Variants in CACNA1D observed in about 807,000 individuals in gnomAD.
CACNA1D encodes the protein calcium voltage-gated channel subunit alpha1 D.
Under a neutral mutation model 257.1 loss-of-function variants are expected in CACNA1D, and 55 were observed. The observed-to-expected ratio is 0.21, with a 90% CI of 0.17 to 0.27. The LOEUF (loss-of-function observed/expected upper bound fraction) is 0.27. Ranked by LOEUF, CACNA1D falls within the 10% of genes least tolerant of loss-of-function variation. The probability of loss-of-function intolerance (pLI) is 1.00; values close to 1 mark genes in which losing one functional copy is unlikely to be tolerated. For missense variants in CACNA1D, 1,876 were observed against 2,784.0 expected, an observed-to-expected ratio of 0.67 and a Z score of 7.34; for synonymous variants, 980 against 1,014.9, an observed-to-expected ratio of 0.97 and a Z score of 0.65.
chr3:53,605,990 A>G (rs1348363957), intron 3 of CACNA1D, among the ~76,000 whole-genome samples: 1 of 152,080 alleles, frequency 6.6e-6, no homozygotes, highest in Non-Finnish European at 1.5e-5. Context: ...GGGCCTCTGG[A>G]CCTGTTTGTT....
chr3:53,504,934 A>C (rs2090762361), intron 3 of CACNA1D, among the ~76,000 whole-genome samples: 1 of 151,910 alleles, frequency 6.6e-6, no homozygotes, highest in African/African-American at 2.4e-5. Context: ...AAATGTCCAG[A>C]ATGGAGATCT....
At chr3:53,809,610 G>T in intron 46 of CACNA1D, 1 of 334,112 alleles carries the variant, frequency 3.0e-6, no homozygotes, top group South Asian at 3.0e-5. Flanking sequence ...GGAAGTGGTA[G>T]TTTCCCCTGA....
At chr3:53,622,715 C>G (rs1205724805) in intron 3 of CACNA1D, among the ~76,000 whole-genome samples, 2 of 151,980 alleles carry the variant, frequency 1.3e-5, no homozygotes, top group Non-Finnish European at 2.9e-5. Context: ...ACAAGTTTAC[C>G]TGTAACAAAT....
intron 9 of CACNA1D, among the ~76,000 whole-genome samples, chr3:53,711,203 G>A (rs1229985748): frequency 6.6e-6 from 1 of 152,142 alleles, no homozygotes; most frequent in African/African-American, 2.4e-5. Flanking sequence ...GCGATATTGC[G>A]CCATTACACT....
At chr3:53,689,496 G>T (rs1314089368) in intron 8 of CACNA1D, among the ~76,000 whole-genome samples, 3 of 152,060 alleles carry the variant, frequency 2.0e-5, no homozygotes, top group Non-Finnish European at 4.4e-5. Flanking sequence ...GGGCTGCAGG[G>T]ATGGGGTCTG....
In CACNA1D at chr3:53,726,904, C is replaced by T. The variant is rs1195580862; in HGVS notation, c.2126C>T (p.Ala709Val). The change falls in exon 15 of 48, where the codon GCT (alanine) becomes GTT (valine). Residue 709 changes from alanine (A) to valine (V), a missense_variant. This residue lies in a region of CACNA1D where 257 missense variants were observed against 399.7 expected (regional missense o/e 0.64). Transcript: ENST00000350061. ...ATCCTGACAGGCGAAGACTGGAATG[C>T]TGTGATGTACGATGGCATCATGGCT... ...FQILTGEDWN[A>V]VMYDGIMAYG... 1.7e-5 allele frequency: 28 copies of T among 1,614,184 alleles called. No individual in the cohort carries two copies. The highest frequency in any genetic ancestry group is 2.4e-5 in the Non-Finnish European group (28 of 1,180,032).
At chr3:53,508,740 G>A (rs577094812) in intron 3 of CACNA1D, among the ~76,000 whole-genome samples, 1 of 152,160 alleles carries the variant, frequency 6.6e-6, no homozygotes, top group Admixed American at 6.5e-5. Flanking sequence ...CCCAATACAG[G>A]GTGACAGCAT....
At chr3:53,795,887 G>A (rs571257227) in intron 40 of CACNA1D, among the ~76,000 whole-genome samples, 21 of 152,264 alleles carry the variant, frequency 1.4e-4, no homozygotes, top group African/African-American at 5.1e-4. Context: ...AGCTTGTGGG[G>A]GTCATGTTAC....
In CACNA1D at chr3:53,673,742, A is replaced by T; in HGVS notation, c.1220+616A>T. ...ATGATGCGATAGGATGGGAATGGCCATGGGTGTATTTTGTTAGTCTGATCA... is the reference window on the plus strand; with the variant it reads ...ATGATGCGATAGGATGGGAATGGCCTTGGGTGTATTTTGTTAGTCTGATCA... On this transcript the variant is annotated intron_variant, in intron 8 of 47. Transcript: ENST00000350061. The surrounding 1 kb of genome is among the most constrained non-coding windows in gnomAD (Gnocchi z 4.1). The T allele has an allele frequency of 6.2e-7, 1 of 1,613,582 alleles. No homozygotes were observed. Among genetic ancestry groups the T allele is most frequent in the East Asian group, 2.2e-5 (1 of 44,878 alleles).
chr3:53,762,986 T>C (rs1247318493), intron 30 of CACNA1D, among the ~76,000 whole-genome samples: 9 of 152,216 alleles, frequency 5.9e-5, no homozygotes, highest in African/African-American at 2.2e-4. Flanking sequence ...GCCTCAGTCT[T>C]TCCAGCTGTA....
chr3:53,766,433 A>G (rs2095332661), intron 30 of CACNA1D, among the ~76,000 whole-genome samples: 1 of 152,234 alleles, frequency 6.6e-6, no homozygotes, highest in Admixed American at 6.5e-5. Context: ...GCCTCGGGTT[A>G]CCTGGCCCAG....
chr3:53,533,622 T>C (rs1443633741), intron 3 of CACNA1D, among the ~76,000 whole-genome samples: 2 of 152,220 alleles, frequency 1.3e-5, no homozygotes, highest in Non-Finnish European at 2.9e-5. Context: ...ACCGCAGCAC[T>C]CACTCTTCTT....
chr3:53,542,857 C>G (rs2092328407), intron 3 of CACNA1D, among the ~76,000 whole-genome samples: 1 of 151,854 alleles, frequency 6.6e-6, no homozygotes, highest in South Asian at 2.1e-4. Context: ...GAGTTCGAGA[C>G]CATTCCTGAC....
At chr3:53,611,613 C>T (rs761418810) in intron 3 of CACNA1D, among the ~76,000 whole-genome samples, 4 of 151,992 alleles carry the variant, frequency 2.6e-5, no homozygotes, top group Non-Finnish European at 4.4e-5. Flanking sequence ...TTTGCTTCTA[C>T]CCCTCTGCCC....
intron 3 of CACNA1D, among the ~76,000 whole-genome samples, chr3:53,643,970 A>G (rs1306783831): frequency 6.6e-6 from 1 of 152,192 alleles, no homozygotes; most frequent in Non-Finnish European, 1.5e-5. Flanking sequence ...AACAGAGCAA[A>G]ACCAGGGGGC....
chr3:53,698,725 C>T (rs780086063), intron 8 of CACNA1D, among the ~76,000 whole-genome samples: 3 of 151,922 alleles, frequency 2.0e-5, no homozygotes, highest in Non-Finnish European at 4.4e-5. Context: ...GTTTTCTGCT[C>T]TTTCTTTTAG....
chr3:53,714,288 A>C (rs2094795287), intron 9 of CACNA1D, among the ~76,000 whole-genome samples: 2 of 152,058 alleles, frequency 1.3e-5, no homozygotes, highest in South Asian at 4.1e-4. Flanking sequence ...TGCACCTCTA[A>C]TAAGGCCTAG....
At chr3:53,716,873 G>A (rs549805860) in intron 9 of CACNA1D, among the ~76,000 whole-genome samples, 2 of 152,164 alleles carry the variant, frequency 1.3e-5, no homozygotes, top group South Asian at 4.1e-4. Flanking sequence ...AGACCACTGG[G>A]TTCCTTGAGC....
chr3:53,785,075 T>C (rs1484477106), intron 39 of CACNA1D, among the ~76,000 whole-genome samples: 2 of 152,128 alleles, frequency 1.3e-5, no homozygotes, highest in African/African-American at 2.4e-5. Context: ...TTGGCATCTA[T>C]AGATGTCCAA....
Sources: gnomAD v4.1 joint callset for allele counts (sites outside exome capture counted in the v4.1 genomes callset) on GRCh38, gnomAD v4.1.1 for gene constraint, gnomAD v4.1.1 regional missense constraint, Gnocchi (gnomAD v3.1) non-coding constraint, MANE v1.5 for transcripts, NCBI Gene and HGNC (gene_info 2026-07-23, HGNC 2026-07-21) for gene names.